PLCL1: variants seen among roughly 807,000 people sequenced by gnomAD.
PLCL1 encodes phospholipase C like 1 (inactive), also known as inactive phospholipase C-like protein 1.
Under a neutral mutation model 84.4 loss-of-function variants are expected in PLCL1, and 41 were observed. The observed-to-expected ratio is 0.49, with a 90% CI of 0.38 to 0.63. The LOEUF is 0.63. Ranked by LOEUF, PLCL1 falls within the 30% of genes least tolerant of loss-of-function variation. The pLI is 0.00. For missense variants in PLCL1, 1,206 were observed against 1,367.8 expected, an observed-to-expected ratio of 0.88 and a Z score of 1.87; for synonymous variants, 490 against 488.3, an observed-to-expected ratio of 1.00 and a Z score of -0.05.
intron 1 of PLCL1, among the ~76,000 whole-genome samples, chr2:198,002,274 G>C (rs1690619403): frequency 6.6e-6 from 1 of 151,948 alleles, no homozygotes; most frequent in South Asian, 2.1e-4. Flanking sequence ...TTTATGAATA[G>C]TGCTGCCATG....
chr2:198,015,703 T>TA (rs1690979952), intron 1 of PLCL1, among the ~76,000 whole-genome samples: 1 of 152,114 alleles, frequency 6.6e-6, no homozygotes, highest in South Asian at 2.1e-4. Context: ...AAAATATACT[T>TA]ACATATGTGA....
At position 198,052,201 on chromosome 2, in the gene PLCL1, C is replaced by T. The variant is rs568604320; in HGVS notation, c.241-31557C>T. 5.3e-3 allele frequency among the ~76,000 whole-genome samples: 806 copies of T among 151,952 alleles called. 5 individuals are homozygous for T. Among genetic ancestry groups the T allele is most frequent in the Admixed American group, 8.5e-3 (130 of 15,278 alleles). ...TGCTGGGATTACAGGCGTGAGCCAC[C>T]GCGCCCAGCCCCTAATTTTTGTATT... On this transcript the variant is annotated intron_variant, in intron 1 of 5. Transcript: ENST00000428675.
intron 1 of PLCL1, among the ~76,000 whole-genome samples, chr2:198,033,021 A>G (rs1175838726): frequency 2.6e-5 from 4 of 152,216 alleles, no homozygotes; most frequent in African/African-American, 9.6e-5. Context: ...TCACCAGGTA[A>G]CATGGAAAGA....
At chr2:198,001,381 A>G (rs1006856008) in intron 1 of PLCL1, among the ~76,000 whole-genome samples, 2 of 152,184 alleles carry the variant, frequency 1.3e-5, no homozygotes, top group African/African-American at 4.8e-5. Context: ...CAACTCTATG[A>G]ATTTTCACAA....
intron 1 of PLCL1, among the ~76,000 whole-genome samples, chr2:198,059,457 A>C (rs888429389): frequency 6.6e-6 from 1 of 152,172 alleles, no homozygotes; most frequent in African/African-American, 2.4e-5. Flanking sequence ...GAGGTAGAAA[A>C]TTATCTTTAG....
At chr2:197,937,798 T>C (rs1689079984) in intron 1 of PLCL1, among the ~76,000 whole-genome samples, 1 of 152,192 alleles carries the variant, frequency 6.6e-6, no homozygotes, top group Non-Finnish European at 1.5e-5. Context: ...TAAAAGAACT[T>C]ACGGTCCATT....
chr2:198,066,177 C>T (rs1459501358), intron 1 of PLCL1, among the ~76,000 whole-genome samples: 4 of 152,064 alleles, frequency 2.6e-5, no homozygotes, highest in Non-Finnish European at 5.9e-5. Flanking sequence ...TTTATTCTGC[C>T]TTCTTTCCTT....
At chr2:197,991,103 A>G (rs1690337332) in intron 1 of PLCL1, among the ~76,000 whole-genome samples, 1 of 152,156 alleles carries the variant, frequency 6.6e-6, no homozygotes, top group South Asian at 2.1e-4. Context: ...TGGACTCAGA[A>G]GACTTCCCTC....
intron 1 of PLCL1, among the ~76,000 whole-genome samples, chr2:198,011,806 T>G (rs189214364): frequency 4.4e-4 from 67 of 152,258 alleles, no homozygotes; most frequent in African/African-American, 1.6e-3. Flanking sequence ...ACATATCTGT[T>G]TTTTTACTGT....
intron 1 of PLCL1, among the ~76,000 whole-genome samples, chr2:197,866,347 T>G (rs1339448330): frequency 6.6e-6 from 1 of 151,490 alleles, no homozygotes; most frequent in Non-Finnish European, 1.5e-5. Context: ...AAATCTACAG[T>G]TTTATTTTAA....
At chr2:198,073,963 A>G (rs532529728) in intron 1 of PLCL1, among the ~76,000 whole-genome samples, 2 of 152,344 alleles carry the variant, frequency 1.3e-5, no homozygotes, top group African/African-American at 2.4e-5. Context: ...ACATACATTT[A>G]TAAAATGTTT....
At chr2:197,895,672 T>C (rs1688121124) in intron 1 of PLCL1, among the ~76,000 whole-genome samples, 2 of 152,002 alleles carry the variant, frequency 1.3e-5, no homozygotes, top group Non-Finnish European at 2.9e-5. Context: ...TCAAGAAGCA[T>C]TTCCATGATA....
chr2:197,938,452 A>C (rs943605659), intron 1 of PLCL1, among the ~76,000 whole-genome samples: 8 of 152,228 alleles, frequency 5.3e-5, no homozygotes, highest in African/African-American at 1.9e-4. Flanking sequence ...GCTGTGATGT[A>C]GTATTCTCTA....
chr2:198,045,715 T>C (rs143122264), intron 1 of PLCL1, among the ~76,000 whole-genome samples: 3 of 152,194 alleles, frequency 2.0e-5, no homozygotes, highest in South Asian at 2.1e-4. Context: ...CAGATTCATA[T>C]GTTAATTTTT....
chr2:197,921,459 G>A (rs985438597), intron 1 of PLCL1, among the ~76,000 whole-genome samples: 4 of 152,044 alleles, frequency 2.6e-5, no homozygotes, highest in South Asian at 2.1e-4. Flanking sequence ...AAATATTGGC[G>A]TGGAAAAATG....
intron 1 of PLCL1, chr2:197,810,396 A>C (rs1690559306): frequency 5.5e-6 from 3 of 549,806 alleles, no homozygotes; most frequent in Admixed American, 3.2e-5. Flanking sequence ...CTATTATCAG[A>C]ATTTACAAAG....
chr2:197,844,200 C>T lies in PLCL1; in HGVS notation c.240+38861C>T, dbSNP rs113986318. On this transcript the variant is annotated intron_variant, in intron 1 of 5. Transcript: ENST00000428675. ...TTGATGGATTTTCAAAACAGTGAAC[C>T]CATCTGTGTAACCAGCACCTAGATC... is the stretch of plus-strand genomic sequence containing the variant. Among the ~76,000 whole-genome samples, 1,056 of 152,038 alleles carry T rather than the reference C, an allele frequency of 6.9e-3. 18 individuals are homozygous for T. Among genetic ancestry groups the T allele is most frequent in the African/African-American group, 0.024 (992 of 41,458 alleles).
chr2:197,901,343 A>G (rs180936784), intron 1 of PLCL1, among the ~76,000 whole-genome samples: 2 of 152,222 alleles, frequency 1.3e-5, no homozygotes, highest in Non-Finnish European at 2.9e-5. Flanking sequence ...AATCTTTTTG[A>G]TACAGGTCAG....
intron 1 of PLCL1, among the ~76,000 whole-genome samples, chr2:198,009,378 G>A (rs975439061): frequency 2.6e-5 from 4 of 151,852 alleles, no homozygotes; most frequent in African/African-American, 7.2e-5. Context: ...CAAGGCAAGG[G>A]CCCAAATTCA....
Sources: gnomAD v4.1 joint callset for allele counts (sites outside exome capture counted in the v4.1 genomes callset) on GRCh38, gnomAD v4.1.1 for gene constraint, MANE v1.5 for transcripts, NCBI Gene and HGNC (gene_info 2026-07-23, HGNC 2026-07-21) for gene names.